KIF5B: variants seen among roughly 807,000 people sequenced by gnomAD.
KIF5B encodes kinesin family member 5B.
A neutral mutation model predicts 132.8 loss-of-function variants in KIF5B; 49 were observed. That is an observed-to-expected ratio of 0.37 (90% CI 0.29 to 0.47). The LOEUF (loss-of-function observed/expected upper bound fraction) is 0.47, where lower values mean the gene tolerates loss of function less well. KIF5B is among the 20% of genes least tolerant of loss of function. KIF5B has a pLI of 1.00. For missense variants in KIF5B, 780 were observed against 1,144.0 expected (o/e 0.68, Z 4.59); for synonymous variants, 355 against 369.4 (o/e 0.96, Z 0.45).
chr10:32,020,012 T>C, intron 19 of KIF5B, 53 bp from the exon 20 acceptor site: 2 of 1,185,914 alleles, frequency 1.7e-6, no homozygotes, highest in Non-Finnish European at 2.4e-6. Flanking sequence ...GTTTTCTCAA[T>C]GTCATCATTA....
chr10:32,036,830 T>TA (rs1414491708), intron 8 of KIF5B, among the ~76,000 whole-genome samples: 15 of 152,184 alleles, frequency 9.9e-5, no homozygotes, highest in Non-Finnish European at 5.9e-5. Context: ...TATAGAATTG[T>TA]AATAATGAAA....
At chr10:32,032,647 A>T in intron 13 of KIF5B, 59 bp downstream of exon 13, 3 of 1,307,916 alleles carry the variant, frequency 2.3e-6, no homozygotes, top group Non-Finnish European at 3.3e-6. Flanking sequence ...AGTCAATGGG[A>T]TTCAGAAAAC....
intron 21 of KIF5B, 48 bp from the exon 22 acceptor site, chr10:32,018,435 G>C: frequency 6.3e-7 from 1 of 1,582,528 alleles, no homozygotes; most frequent in South Asian, 1.2e-5. Context: ...TTTAAATTTA[G>C]AATAATCATG....
intron 25 of KIF5B, among the ~76,000 whole-genome samples, chr10:32,012,297 AC>A (rs1290082517): frequency 2.0e-5 from 3 of 152,064 alleles, no homozygotes; most frequent in Non-Finnish European, 4.4e-5. Context: ...ACATGGCAAA[AC>A]CCCGTCTCTA....
intron 14 of KIF5B, 55 bp from the exon 15 acceptor site, chr10:32,028,626 T>C: frequency 6.9e-7 from 1 of 1,444,544 alleles, no homozygotes. Flanking sequence ...AAAATTCAAA[T>C]CAAATACTCA....
At chr10:32,018,820 C>G (rs1841217507) in intron 20 of KIF5B, among the ~76,000 whole-genome samples, 1 of 152,016 alleles carries the variant, frequency 6.6e-6, no homozygotes, top group Admixed American at 6.6e-5. Context: ...CTCACCTCGT[C>G]TCCCAAATAG....
chr10:32,032,653 A>C, intron 13 of KIF5B, 53 bp downstream of exon 13: 5 of 1,427,878 alleles, frequency 3.5e-6, no homozygotes, highest in African/African-American at 2.8e-5. Context: ...TGGGATTCAG[A>C]AAACAAAACT....
chr10:32,028,229 T>C (rs1465142213), intron 15 of KIF5B, among the ~76,000 whole-genome samples, 199 bp downstream of exon 15: 5 of 152,190 alleles, frequency 3.3e-5, no homozygotes, highest in Non-Finnish European at 7.3e-5. Flanking sequence ...AAATGCCGCC[T>C]ACTGAATTTA....
chr10:32,030,991 GAAAAGT>G, intron 14 of KIF5B, 76 bp downstream of exon 14: 1 of 961,136 alleles, frequency 1.0e-6, no homozygotes, highest in South Asian at 1.6e-5. Context: ...GACTTACATA[GAAAAGT>G]AAGTTATTTA....
intron 24 of KIF5B, among the ~76,000 whole-genome samples, chr10:32,016,690 A>G (rs61844283): frequency 0.23 from 34,969 of 151,742 alleles, 4,698 homozygotes; most frequent in Non-Finnish European, 0.29. Context: ...ACAGGCGTTC[A>G]CCACCATGCC....
intron 1 of KIF5B, among the ~76,000 whole-genome samples, chr10:32,050,211 T>C (rs898909384): frequency 2.6e-5 from 4 of 152,036 alleles, no homozygotes; most frequent in African/African-American, 9.7e-5. Context: ...CACTTCAAAG[T>C]CTGAAATAAA....
chr10:32,035,955 C>T lies in KIF5B; in HGVS notation c.751G>A (p.Ala251Thr). 6.2e-7 allele frequency: 1 copy of T among 1,613,058 alleles called. No homozygotes were observed. The highest frequency in any genetic ancestry group is 8.5e-7 in the Non-Finnish European group (1 of 1,179,508). Reference protein sequence around the residue: ...TGAEGAVLDEAKNINKSLSAL... With the variant: ...TGAEGAVLDETKNINKSLSAL... ...GAAAGTGACTTGTTGATGTTTTTAG[C>T]TTCATCCAGCACAGCACCTTCAGCT... The change falls in exon 9 of 26, where the codon GCT becomes ACT. Residue 251 changes from alanine to threonine, a missense_variant. Ala to Thr is a moderately conservative substitution (Grantham distance 58, BLOSUM62 0). Transcript: ENST00000302418.
At chr10:32,055,047 CAA>C (rs979679399) in intron 1 of KIF5B, among the ~76,000 whole-genome samples, 1 of 152,052 alleles carries the variant, frequency 6.6e-6, no homozygotes, top group Non-Finnish European at 1.5e-5. Context: ...GATACAAAAA[CAA>C]AAAGTTAATA....
intron 15 of KIF5B, among the ~76,000 whole-genome samples, chr10:32,028,135 T>C (rs1015984822): frequency 6.6e-6 from 1 of 152,188 alleles, no homozygotes; most frequent in Non-Finnish European, 1.5e-5. Context: ...GGCTCATTTT[T>C]GTATTTTTTG....
At chr10:32,015,064 G>A (rs1476713494) in intron 25 of KIF5B, among the ~76,000 whole-genome samples, 3 of 151,936 alleles carry the variant, frequency 2.0e-5, no homozygotes, top group African/African-American at 7.3e-5. Context: ...AGAGGTTGCA[G>A]TGAGCTGAGA....
intron 4 of KIF5B, among the ~76,000 whole-genome samples, 188 bp downstream of exon 4, chr10:32,039,139 C>T (rs1198221260): frequency 1.3e-5 from 2 of 152,118 alleles, no homozygotes; most frequent in African/African-American, 2.4e-5. Context: ...TAATCATTTA[C>T]GTTAGTTAAC....
At chr10:32,028,138 A>AT (rs1260597696) in intron 15 of KIF5B, among the ~76,000 whole-genome samples, 2 of 151,994 alleles carry the variant, frequency 1.3e-5, no homozygotes, top group Non-Finnish European at 2.9e-5. Context: ...TCATTTTTGT[A>AT]TTTTTTGTAG....
intron 2 of KIF5B, among the ~76,000 whole-genome samples, chr10:32,041,361 A>C (rs1480917076): frequency 6.6e-6 from 1 of 152,232 alleles, no homozygotes; most frequent in Non-Finnish European, 1.5e-5. Context: ...TTAATTAAGA[A>C]ACAAATTTTA....
In KIF5B at chr10:32,033,848, G is replaced by A; in HGVS notation, c.1302C>T (p.Asp434=). 6.2e-7 allele frequency: 1 copy of A among 1,607,752 alleles called. No homozygotes were observed. The highest frequency in any genetic ancestry group is 8.5e-7 in the Non-Finnish European group (1 of 1,175,176). The part of the protein sequence containing the change: ...EIAKLYKQLD[D]KDEEINQQSQ... ...ACCTAAATCAAGCAATACCTACCTTGTCATCAAGCTGTTTGTATAATTTAG... is the reference window on the plus strand; with the variant it reads ...ACCTAAATCAAGCAATACCTACCTTATCATCAAGCTGTTTGTATAATTTAG... Residue 434 remains aspartate, a synonymous_variant, in exon 12 of 26, where the codon GAC becomes GAT. Transcript: ENST00000302418.
Sources: gnomAD v4.1 joint callset for allele counts (sites outside exome capture counted in the v4.1 genomes callset) on GRCh38, gnomAD v4.1.1 for gene constraint, MANE v1.5 for transcripts, NCBI Gene and HGNC (gene_info 2026-07-23, HGNC 2026-07-21) for gene names.